The following DMD variants were observed in gnomAD, a reference collection of about 807,000 sequenced individuals.
DMD encodes the protein mutant dystrophin.
DMD carries 63 observed loss-of-function variants against 330.1 expected under a neutral mutation model. The ratio of observed to expected loss-of-function variants is 0.19; its 90% CI spans 0.16 to 0.24. The LOEUF is 0.24. Among genes scored for constraint, DMD ranks in the 10% least tolerant of loss-of-function variants. The pLI is 1.00. For missense variants in DMD, 3,344 were observed against 2,684.1 expected (o/e 1.25, Z -5.43); for synonymous variants, 1,223 against 959.8 (o/e 1.27, Z -5.07).
At chrX:32,900,764 T>C (rs1410990606) in intron 2 of DMD, among the ~76,000 whole-genome samples, 1 of 111,894 alleles carries the variant, frequency 8.9e-6, no homozygotes, top group African/African-American at 3.2e-5. Flanking sequence ...GAATTTTCGT[T>C]GATATTTCCT....
At chrX:31,462,582 C>A (rs1193435192) in intron 59 of DMD, among the ~76,000 whole-genome samples, 1 of 112,004 alleles carries the variant, frequency 8.9e-6, no homozygotes, top group African/African-American at 3.2e-5. Context: ...AAATGGCATA[C>A]TTGCTGGGCT....
chrX:32,736,460 T>C (rs1186494701), intron 7 of DMD, among the ~76,000 whole-genome samples: 2 of 110,492 alleles, frequency 1.8e-5, no homozygotes, highest in Admixed American at 1.9e-4. Flanking sequence ...TAAAGACACA[T>C]GCACACGTAT....
At chrX:32,599,444 AT>A (rs2055936035) in intron 12 of DMD, among the ~76,000 whole-genome samples, 2 of 112,041 alleles carry the variant, frequency 1.8e-5, no homozygotes, top group African/African-American at 6.5e-5. Context: ...TTTAAAAAAA[AT>A]AATATGCTAA....
intron 40 of DMD, 168 bp downstream of exon 40, chrX:32,342,966 A>G (rs545122087): frequency 7.6e-6 from 4 of 528,062 alleles, no homozygotes; most frequent in South Asian, 5.3e-5. Context: ...TCAATTGAAT[A>G]ACACTTAATA....
At chrX:32,825,768 A>G (rs2078643155) in intron 4 of DMD, among the ~76,000 whole-genome samples, 1 of 111,882 alleles carries the variant, frequency 8.9e-6, no homozygotes, top group South Asian at 3.7e-4. Flanking sequence ...AGCAAGACAT[A>G]AAATGACAAA....
intron 2 of DMD, among the ~76,000 whole-genome samples, chrX:32,901,654 C>T (rs1228819660): frequency 9.1e-6 from 1 of 110,476 alleles, no homozygotes; most frequent in East Asian, 2.8e-4. Context: ...CAACATGTGC[C>T]CTTTTTAAAA....
chrX:32,803,066 G>A (rs973565767), intron 7 of DMD, among the ~76,000 whole-genome samples: 3 of 111,711 alleles, frequency 2.7e-5, no homozygotes, highest in African/African-American at 9.8e-5. Context: ...TTGTACCTCT[G>A]GTAGAATTCG....
At chrX:31,321,607 A>AAAAAGAAAG (rs1388525572) in intron 62 of DMD, among the ~76,000 whole-genome samples, 7 of 89,274 alleles carry the variant, frequency 7.8e-5, no homozygotes, top group African/African-American at 1.2e-4. Flanking sequence ...AAAAAAAAAA[A>AAAAAGAAAG]AAAGAAAGAA....
chrX:31,250,533 T>G (rs1268949593), intron 63 of DMD, among the ~76,000 whole-genome samples: 1 of 112,332 alleles, frequency 8.9e-6, no homozygotes, highest in Non-Finnish European at 1.9e-5. Context: ...CTTTCAAAAA[T>G]TAAGTGCTCT....
chrX:32,585,818 T>A (rs2054230637), intron 13 of DMD, among the ~76,000 whole-genome samples: 1 of 109,571 alleles, frequency 9.1e-6, no homozygotes. Context: ...TTGAGTTTCA[T>A]TTGATAATTT....
intron 43 of DMD, among the ~76,000 whole-genome samples, chrX:32,263,548 T>C: frequency 8.9e-6 from 1 of 112,522 alleles, no homozygotes; most frequent in East Asian, 2.8e-4. Context: ...ATATATGGAA[T>C]TAACTATATG....
chrX:33,013,766 A>T (rs771343493), intron 2 of DMD, among the ~76,000 whole-genome samples: 1 of 112,478 alleles, frequency 8.9e-6, no homozygotes, highest in East Asian at 2.8e-4. Flanking sequence ...TTTTTTAAAA[A>T]CTTCTAAGCT....
At chrX:31,307,445 T>C (rs2055128712) in intron 62 of DMD, among the ~76,000 whole-genome samples, 1 of 111,795 alleles carries the variant, frequency 8.9e-6, no homozygotes, top group Admixed American at 9.5e-5. Context: ...CTGAGCAATA[T>C]AATGATGCCT....
At position 32,539,070 on chromosome X, in the gene DMD, C is replaced by T. The variant is rs561334078; in HGVS notation, c.2168+6089G>A. Among the ~76,000 whole-genome samples, 22 of 111,070 alleles carry T rather than the reference C, an allele frequency of 2.0e-4. 1 individual carries two copies. The South Asian group carries it at 8.3e-3, about 42-fold the overall frequency. On this transcript the variant is annotated intron_variant, in intron 17 of 78. Coordinates refer to ENST00000357033, the MANE Select transcript of DMD (RefSeq NM_004006.3). ...CATTACTATATTCTTCAAAACACTG[C>T]TATTGATTTATTCTTGATGCATAAG...
chrX:32,982,610 G>T, intron 2 of DMD, among the ~76,000 whole-genome samples: 1 of 111,718 alleles, frequency 9.0e-6, no homozygotes, highest in East Asian at 2.8e-4. Context: ...TAACTCTGAA[G>T]GTAGTCAGAA....
chrX:31,353,936 C>T (rs1569531578), intron 60 of DMD, among the ~76,000 whole-genome samples: 1 of 111,905 alleles, frequency 8.9e-6, no homozygotes, highest in Admixed American at 9.5e-5. Flanking sequence ...AAAAGTAATA[C>T]AAATATAACA....
At chrX:31,188,047 C>G (rs1391505237) in intron 67 of DMD, among the ~76,000 whole-genome samples, 2 of 111,933 alleles carry the variant, frequency 1.8e-5, no homozygotes, top group Non-Finnish European at 1.9e-5. Context: ...ACTATAGATT[C>G]TTCTATGCTT....
At chrX:32,246,223 T>C (rs1163268238) in intron 43 of DMD, among the ~76,000 whole-genome samples, 2 of 85,909 alleles carry the variant, frequency 2.3e-5, no homozygotes, top group Non-Finnish European at 4.5e-5. Context: ...GAGATAATCA[T>C]GTGGTTTTTG....
At chrX:32,965,763 A>C (rs773939800) in intron 2 of DMD, among the ~76,000 whole-genome samples, 1 of 111,954 alleles carries the variant, frequency 8.9e-6, no homozygotes, top group African/African-American at 3.2e-5. Context: ...GTAACATAAT[A>C]ATGACAAGAT....
Sources: gnomAD v4.1 joint callset for allele counts (sites outside exome capture counted in the v4.1 genomes callset) on GRCh38, gnomAD v4.1.1 for gene constraint, MANE v1.5 for transcripts, NCBI Gene and HGNC (gene_info 2026-07-23, HGNC 2026-07-21) for gene names.